The following SYNPO variants were observed in gnomAD, a reference collection of about 807,000 sequenced individuals.
SYNPO encodes synaptopodin.
Under a neutral mutation model 49.5 loss-of-function variants are expected in SYNPO, and 19 were observed. That is an observed-to-expected ratio of 0.38 (90% CI 0.27 to 0.56). SYNPO has a LOEUF of 0.56. Ranked by LOEUF, SYNPO falls within the 20% of genes least tolerant of loss-of-function variation. SYNPO has a pLI of 0.68. For synonymous variants in SYNPO, 536 were observed against 548.0 expected (o/e 0.98, Z 0.31); for missense variants, 1,131 against 1,248.3 (o/e 0.91, Z 1.42).
upstream of SYNPO, among the ~76,000 whole-genome samples, chr5:150,597,385 G>T (rs1581438472): frequency 6.6e-6 from 1 of 152,204 alleles, no homozygotes; most frequent in East Asian, 1.9e-4. Flanking sequence ...ATGCTGGAGT[G>T]CAATGGTGCA....
At chr5:150,609,604 T>G (rs771607687) in intron 1 of SYNPO, among the ~76,000 whole-genome samples, 17 of 152,246 alleles carry the variant, frequency 1.1e-4, no homozygotes, top group Non-Finnish European at 1.9e-4. Flanking sequence ...TGGTTAGGCA[T>G]TTTCTGAATT....
At chr5:150,651,795 T>C in intron 2 of SYNPO, 4 of 1,000,372 alleles carry the variant, frequency 4.0e-6, no homozygotes, top group Non-Finnish European at 4.8e-6. Context: ...ATTCATACAG[T>C]GAGGGTGTTA....
At chr5:150,611,717 G>T (rs961049554) in intron 1 of SYNPO, among the ~76,000 whole-genome samples, 1 of 152,184 alleles carries the variant, frequency 6.6e-6, no homozygotes, top group Non-Finnish European at 1.5e-5. Flanking sequence ...TGCCAAGATT[G>T]GTCAGTCTGT....
intron 2 of SYNPO, chr5:150,653,258 T>G (rs1485924745): frequency 1.3e-5 from 2 of 152,218 alleles, no homozygotes; most frequent in Non-Finnish European, 2.9e-5. Flanking sequence ...GCATGGCTGT[T>G]AGGGTGAGGT....
chr5:150,644,816 C>T (rs1758029795), intron 1 of SYNPO, among the ~76,000 whole-genome samples: 1 of 152,198 alleles, frequency 6.6e-6, no homozygotes, highest in South Asian at 2.1e-4. Flanking sequence ...CCCAGGGGAG[C>T]AGCCTGGCTA....
upstream of SYNPO, among the ~76,000 whole-genome samples, chr5:150,636,490 A>T (rs546960789): frequency 2.2e-4 from 33 of 152,306 alleles, no homozygotes; most frequent in African/African-American, 7.2e-4. Context: ...TGTCTCACCC[A>T]AATTGTGACA....
chr5:150,652,363 G>GTGC, intron 2 of SYNPO: 1 of 986,730 alleles, frequency 1.0e-6, no homozygotes, highest in African/African-American at 1.7e-5. Context: ...TCTTTCTTCC[G>GTGC]TGCTGCTAGG....
At chr5:150,593,369 G>A in the SYNPO span, among the ~76,000 whole-genome samples, 42 of 152,194 alleles carry the variant, frequency 2.8e-4, no homozygotes, top group African/African-American at 7.0e-4. Flanking sequence ...TGTTCCCTAC[G>A]CAGTCCCTTA....
intron 2 of SYNPO, among the ~76,000 whole-genome samples, chr5:150,625,811 T>G (rs906015537): frequency 2.0e-5 from 3 of 152,194 alleles, no homozygotes; most frequent in African/African-American, 7.2e-5. Flanking sequence ...GTCCAGGTTG[T>G]CTGGAAGGGA....
chr5:150,626,268 T>TTGAAAACCCCCCGGGGAGC (rs2151380939), intron 2 of SYNPO, among the ~76,000 whole-genome samples: 1 of 152,152 alleles, frequency 6.6e-6, no homozygotes, highest in African/African-American at 2.4e-5. Flanking sequence ...CTCAGGGGAG[T>TTGAAAACCCCCCGGGGAGC]TGAAAACCCC....
chr5:150,655,593 C>T (rs368475318), intron 2 of SYNPO, among the ~76,000 whole-genome samples: 28 of 152,344 alleles, frequency 1.8e-4, no homozygotes, highest in East Asian at 1.5e-3. Flanking sequence ...GTGCCCTGTT[C>T]CTGTTCTCAC....
Position 150,650,319 on chromosome 5 carries a change from T to G in SYNPO, c.2028+16T>G, listed in dbSNP as rs1290545014. Reference sequence around the variant, plus strand: ...CGAGGCTCAGGTGTGGAAGCCTTCCTTCTGCTTCAAGTAACGAACCCCACG... The same window carrying G: ...CGAGGCTCAGGTGTGGAAGCCTTCCGTCTGCTTCAAGTAACGAACCCCACG... On this transcript the variant is annotated intron_variant, in intron 2 of 2. Transcript: ENST00000307662. 1 of 1,613,932 alleles carries G rather than the reference T, an allele frequency of 6.2e-7. No homozygotes were observed. The highest frequency in any genetic ancestry group is 8.5e-7 in the Non-Finnish European group (1 of 1,179,990).
chr5:150,651,573 A>G (rs1431565276), intron 2 of SYNPO: 99 of 1,002,530 alleles, frequency 9.9e-5, no homozygotes, highest in Non-Finnish European at 1.2e-4. Flanking sequence ...CTGCTGCAGG[A>G]GGCCAAGGGA....
intron 1 of SYNPO, chr5:150,614,574 A>G (rs923908860): frequency 3.3e-5 from 5 of 152,316 alleles, no homozygotes; most frequent in African/African-American, 1.2e-4. Context: ...CTTGCCATAC[A>G]ACTGCAGGTA....
the SYNPO span, among the ~76,000 whole-genome samples, chr5:150,595,636 G>A: frequency 6.6e-6 from 1 of 152,202 alleles, no homozygotes; most frequent in Non-Finnish European, 1.5e-5. Context: ...TCATTCCAAA[G>A]GGCTATTTTA....
At chr5:150,593,087 A>T in the SYNPO span, among the ~76,000 whole-genome samples, 3 of 152,198 alleles carry the variant, frequency 2.0e-5, no homozygotes, top group South Asian at 6.2e-4. Context: ...TTGGTAGCCC[A>T]CTGGAGTCTG....
At chr5:150,604,484 AG>A (rs1466282943) in intron 1 of SYNPO, among the ~76,000 whole-genome samples, 4 of 152,136 alleles carry the variant, frequency 2.6e-5, no homozygotes, top group Non-Finnish European at 5.9e-5. Flanking sequence ...TGGGTTTGGT[AG>A]GGGCAGTGTG....
chr5:150,590,760 G>A, the SYNPO span, among the ~76,000 whole-genome samples: 1 of 152,200 alleles, frequency 6.6e-6, no homozygotes, highest in Non-Finnish European at 1.5e-5. Flanking sequence ...AAAATACTTA[G>A]CACGGTGCCT....
the SYNPO span, among the ~76,000 whole-genome samples, chr5:150,588,947 G>A: frequency 6.6e-6 from 1 of 152,040 alleles, no homozygotes; most frequent in Admixed American, 6.5e-5. Flanking sequence ...GACAGGTCTT[G>A]TATGTCTTTG....
Sources: allele counts gnomAD v4.1 joint callset (sites outside exome capture counted in the v4.1 genomes callset), GRCh38; gene constraint gnomAD v4.1.1; transcripts MANE v1.5; gene names NCBI Gene and HGNC (gene_info 2026-07-23, HGNC 2026-07-21).